Variants in NEMP2 observed in about 807,000 individuals in gnomAD.
NEMP2 encodes the protein nuclear envelope integral membrane protein 2.
A neutral mutation model predicts 54.2 loss-of-function variants in NEMP2; 53 were observed. The ratio of observed to expected loss-of-function variants is 0.98; its 90% confidence interval spans 0.78 to 1.23. The LOEUF is 1.23. Among genes scored for constraint, NEMP2 ranks in the 50% most tolerant of loss-of-function variants. The pLI is 0.00. For synonymous variants in NEMP2, 197 were observed against 190.3 expected (o/e 1.04, Z -0.29); for missense variants, 455 against 511.3 (o/e 0.89, Z 1.06).
intron 2 of NEMP2, among the ~76,000 whole-genome samples, chr2:190,524,615 T>C (rs944050300): frequency 6.6e-6 from 1 of 152,210 alleles, no homozygotes; most frequent in Admixed American, 6.5e-5. Flanking sequence ...CCCTGGCCAA[T>C]TTGCTCCCAC....
At chr2:190,636,783 A>G in the NEMP2 span, among the ~76,000 whole-genome samples, 1 of 152,232 alleles carries the variant, frequency 6.6e-6, no homozygotes, top group Non-Finnish European at 1.5e-5. Context: ...AGTCATTAGC[A>G]CCTTATTTGT....
At chr2:190,537,411 G>A (rs1691412234), upstream of NEMP2, among the ~76,000 whole-genome samples, 1 of 152,224 alleles carries the variant, frequency 6.6e-6, no homozygotes, top group Non-Finnish European at 1.5e-5. Flanking sequence ...ATGCTAGTGA[G>A]TGAGTTCTCA....
At chr2:190,542,990 C>T in the NEMP2 span, among the ~76,000 whole-genome samples, 1 of 152,220 alleles carries the variant, frequency 6.6e-6, no homozygotes, top group Non-Finnish European at 1.5e-5. The surrounding 1 kb of genome is among the most constrained non-coding windows in gnomAD (Gnocchi z 4.6). Context: ...TTACTTATTC[C>T]AGTCTTCTCT....
chr2:190,524,992 C>T (rs1288691920), intron 2 of NEMP2, among the ~76,000 whole-genome samples: 3 of 152,186 alleles, frequency 2.0e-5, no homozygotes, highest in East Asian at 3.8e-4. Context: ...TTAAGACTGC[C>T]TGAACAGCAG....
the NEMP2 span, among the ~76,000 whole-genome samples, chr2:190,459,585 T>C: frequency 2.8e-4 from 43 of 152,316 alleles, no homozygotes; most frequent in Admixed American, 3.3e-4. This position sits in a 1 kb window ranked among gnomAD's most constrained non-coding sequence, Gnocchi z 5.3. Context: ...AGGTTCTCTT[T>C]TGTTTTAAAC....
upstream of NEMP2, among the ~76,000 whole-genome samples, chr2:190,538,207 T>C (rs1303794451): frequency 6.6e-6 from 1 of 152,184 alleles, no homozygotes; most frequent in South Asian, 2.1e-4. This position sits in a 1 kb window ranked among gnomAD's most constrained non-coding sequence, Gnocchi z 4.1. Flanking sequence ...CTCCCACATA[T>C]AAATGAGAAC....
the NEMP2 span, among the ~76,000 whole-genome samples, chr2:190,646,440 G>A: frequency 6.6e-6 from 1 of 152,218 alleles, no homozygotes; most frequent in African/African-American, 2.4e-5. Flanking sequence ...CGTCTGACTT[G>A]ACTCAGATAC....
the NEMP2 span, among the ~76,000 whole-genome samples, chr2:190,472,950 G>C: frequency 2.0e-5 from 3 of 152,170 alleles, no homozygotes; most frequent in South Asian, 2.1e-4. Flanking sequence ...TTAAAGGAAA[G>C]AATTTTCAAC....
chr2:190,476,870 A>C, the NEMP2 span, among the ~76,000 whole-genome samples: 1 of 152,156 alleles, frequency 6.6e-6, no homozygotes, highest in Admixed American at 6.5e-5. Flanking sequence ...AGTACTATGC[A>C]GCCATAAAAA....
upstream of NEMP2, among the ~76,000 whole-genome samples, chr2:190,536,799 G>A (rs1691391730): frequency 6.6e-6 from 1 of 152,212 alleles, no homozygotes; most frequent in Non-Finnish European, 1.5e-5. Context: ...TCTGAATGAA[G>A]CCTGTGGTAC....
chr2:190,489,912 T>C, the NEMP2 span: 18 of 1,496,816 alleles, frequency 1.2e-5, no homozygotes, highest in South Asian at 1.9e-4. The surrounding 1 kb of genome is among the most constrained non-coding windows in gnomAD (Gnocchi z 6.6). Context: ...GTTCAGGCCA[T>C]GGGAAGTCAA....
the NEMP2 span, among the ~76,000 whole-genome samples, chr2:190,445,091 C>T: frequency 6.6e-6 from 1 of 152,152 alleles, no homozygotes; most frequent in African/African-American, 2.4e-5. Flanking sequence ...GCCTGGCTTC[C>T]ATCCTGCTTG....
Position 190,517,560 on chromosome 2 carries a change from A to G in NEMP2, c.572T>C (p.Leu191Ser), listed in dbSNP as rs1454732883. 6.4e-7 allele frequency: 1 copy of G among 1,550,986 alleles called. No homozygotes were observed. Among genetic ancestry groups the G allele is most frequent in the Non-Finnish European group, 8.7e-7 (1 of 1,146,706 alleles). Reference sequence around the variant, plus strand: ...TTTCACCAACAGCAAGACAAAGACTAATGTCATTAGAACACCTAGCACAGT... The same window carrying G: ...TTTCACCAACAGCAAGACAAAGACTGATGTCATTAGAACACCTAGCACAGT... ...SGTVLGVLMT[L>S]VFVLLLVKRF... Residue 191 changes from leucine to serine, a missense_variant, in exon 5 of 9, where the codon TTA becomes TCA. By Grantham distance (145) the Leu-to-Ser change is moderately radical. This residue lies in a region of NEMP2 where 294 missense variants were observed against 333.6 expected (regional missense o/e 0.88). Transcript: ENST00000409150.
the NEMP2 span, among the ~76,000 whole-genome samples, chr2:190,544,731 G>A: frequency 6.6e-6 from 1 of 152,054 alleles, no homozygotes; most frequent in Non-Finnish European, 1.5e-5. Flanking sequence ...CAAATACAGT[G>A]CATCTAAGAG....
At chr2:190,473,245 T>A in the NEMP2 span, among the ~76,000 whole-genome samples, 5 of 152,144 alleles carry the variant, frequency 3.3e-5, no homozygotes, top group East Asian at 9.7e-4. Flanking sequence ...AATATTAACC[T>A]TAAATATAAA....
the NEMP2 span, among the ~76,000 whole-genome samples, chr2:190,473,867 C>A: frequency 6.6e-6 from 1 of 152,222 alleles, no homozygotes. Context: ...CAAACTGTCT[C>A]TCAGACCACA....
the NEMP2 span, among the ~76,000 whole-genome samples, chr2:190,578,324 C>T: frequency 3.3e-5 from 5 of 152,148 alleles, no homozygotes; most frequent in Non-Finnish European, 7.3e-5. The surrounding 1 kb of genome is among the most constrained non-coding windows in gnomAD (Gnocchi z 4.4). Flanking sequence ...ATAGAACTGC[C>T]TGCCAGCTTC....
chr2:190,474,849 A>C, the NEMP2 span, among the ~76,000 whole-genome samples: 64 of 152,336 alleles, frequency 4.2e-4, no homozygotes, highest in Non-Finnish European at 8.2e-4. Flanking sequence ...CCAGCAGCAC[A>C]TCAAAAAGCT....
the NEMP2 span, chr2:190,436,420 G>A: frequency 6.2e-7 from 1 of 1,614,078 alleles, no homozygotes; most frequent in South Asian, 1.1e-5. This position sits in a 1 kb window ranked among gnomAD's most constrained non-coding sequence, Gnocchi z 5.3. Context: ...CTTTAAAAAA[G>A]GCAAAATTGT....
Sources: gnomAD v4.1 joint callset for allele counts (sites outside exome capture counted in the v4.1 genomes callset) on GRCh38, gnomAD v4.1.1 for gene constraint, gnomAD v4.1.1 regional missense constraint, Gnocchi (gnomAD v3.1) non-coding constraint, MANE v1.5 for transcripts, NCBI Gene and HGNC (gene_info 2026-07-23, HGNC 2026-07-21) for gene names.